The following GRIN2B variants were observed in gnomAD, a reference collection of about 807,000 sequenced individuals.
The protein encoded by GRIN2B is glutamate receptor ionotropic, NMDA 2B.
A neutral mutation model predicts 114.5 loss-of-function variants in GRIN2B; 5 were observed. The ratio of observed to expected loss-of-function variants is 0.04; its 90% CI spans 0.02 to 0.09. The LOEUF (loss-of-function observed/expected upper bound fraction) is 0.09, where lower values mean the gene tolerates loss of function less well. Ranked by LOEUF, GRIN2B falls within the 10% of genes least tolerant of loss-of-function variation. GRIN2B has a pLI of 1.00. For missense variants in GRIN2B, 1,108 were observed against 1,943.5 expected (o/e 0.57, Z 8.08); for synonymous variants, 787 against 745.1 (o/e 1.06, Z -0.92).
At chr12:13,697,777 A>G (rs1950274632) in intron 4 of GRIN2B, among the ~76,000 whole-genome samples, 1 of 152,198 alleles carries the variant, frequency 6.6e-6, no homozygotes, top group East Asian at 1.9e-4. Context: ...AGAATTTCAC[A>G]TTAAAAATGT....
chr12:13,936,758 AG>A (rs1867136272), intron 2 of GRIN2B, among the ~76,000 whole-genome samples: 1 of 152,208 alleles, frequency 6.6e-6, no homozygotes, highest in South Asian at 2.1e-4. Context: ...TGTCTTAAAA[AG>A]TACAGAAAAT....
chr12:13,656,520 G>A (rs1472132729), intron 5 of GRIN2B, among the ~76,000 whole-genome samples: 2 of 152,164 alleles, frequency 1.3e-5, no homozygotes, highest in African/African-American at 2.4e-5. Flanking sequence ...TTCTCTGATC[G>A]CTGGTCGCAA....
chr12:13,566,524 A>C (rs1236151036), intron 13 of GRIN2B, among the ~76,000 whole-genome samples: 1 of 152,260 alleles, frequency 6.6e-6, no homozygotes, highest in Admixed American at 6.5e-5. Context: ...CTTATGAGTC[A>C]GAGCTTATTT....
chr12:13,618,180 C>T (rs573844076), intron 5 of GRIN2B, among the ~76,000 whole-genome samples: 1 of 152,272 alleles, frequency 6.6e-6, no homozygotes, highest in African/African-American at 2.4e-5. Flanking sequence ...ACAGAAATTT[C>T]CAAATGGCTC....
At chr12:13,958,237 A>C (rs1200573074) in intron 2 of GRIN2B, among the ~76,000 whole-genome samples, 1 of 152,212 alleles carries the variant, frequency 6.6e-6, no homozygotes, top group Non-Finnish European at 1.5e-5. Context: ...CTGTAAAAAT[A>C]ATGGCACTGA....
At chr12:13,873,259 T>G (rs1865940940) in intron 2 of GRIN2B, among the ~76,000 whole-genome samples, 1 of 152,248 alleles carries the variant, frequency 6.6e-6, no homozygotes, top group African/African-American at 2.4e-5. Context: ...TGACTCAGAA[T>G]GCTTAGCTTA....
intron 2 of GRIN2B, among the ~76,000 whole-genome samples, chr12:13,869,719 C>T (rs1460619494): frequency 5.9e-5 from 9 of 152,130 alleles, no homozygotes; most frequent in Non-Finnish European, 2.9e-5. Flanking sequence ...CCTTCTGGGG[C>T]CTCTCAGTAT....
chr12:13,687,702 T>C (rs1950183802), intron 4 of GRIN2B, among the ~76,000 whole-genome samples: 1 of 152,224 alleles, frequency 6.6e-6, no homozygotes, highest in Non-Finnish European at 1.5e-5. Context: ...TCTCTTTCTG[T>C]TATAATTTCA....
chr12:13,614,477 T>C (rs1040670746), intron 8 of GRIN2B, among the ~76,000 whole-genome samples: 2 of 152,122 alleles, frequency 1.3e-5, no homozygotes, highest in African/African-American at 2.4e-5. Flanking sequence ...AGACCTCATC[T>C]AATTGAAATC....
At chr12:13,941,695 AC>A (rs1396083480) in intron 2 of GRIN2B, among the ~76,000 whole-genome samples, 29 of 152,276 alleles carry the variant, frequency 1.9e-4, no homozygotes, top group African/African-American at 7.0e-4. Flanking sequence ...ACAGCATCAA[AC>A]CCAGGGGACC....
chr12:13,567,805 A>C (rs1472558381), intron 12 of GRIN2B, among the ~76,000 whole-genome samples: 1 of 152,104 alleles, frequency 6.6e-6, no homozygotes, highest in Non-Finnish European at 1.5e-5. Flanking sequence ...TTCAAACAGA[A>C]AAAGGTATAG....
intron 10 of GRIN2B, among the ~76,000 whole-genome samples, chr12:13,577,468 C>G (rs1948791683): frequency 6.6e-6 from 1 of 152,144 alleles, no homozygotes; most frequent in African/African-American, 2.4e-5. Flanking sequence ...AGGCCCCCAC[C>G]CAGAGATGAG....
intron 2 of GRIN2B, among the ~76,000 whole-genome samples, chr12:13,880,115 G>C (rs918797065): frequency 2.0e-5 from 3 of 152,222 alleles, no homozygotes; most frequent in Non-Finnish European, 4.4e-5. Context: ...GCCGCAGAGA[G>C]GGCTAAGGCA....
chr12:13,828,038 T>C (rs1305637861), intron 3 of GRIN2B, among the ~76,000 whole-genome samples: 1 of 152,234 alleles, frequency 6.6e-6, no homozygotes, highest in Non-Finnish European at 1.5e-5. Flanking sequence ...TATTTCTCCG[T>C]CTGTTTCTAC....
chr12:13,714,495 T>C (rs1950439452), intron 4 of GRIN2B, among the ~76,000 whole-genome samples: 1 of 151,840 alleles, frequency 6.6e-6, no homozygotes. Context: ...GACTCCAAAC[T>C]TTTTAAAAAG....
At position 13,564,370 on chromosome 12, in the gene GRIN2B, C is replaced by A; in HGVS notation, c.2868G>T (p.Glu956Asp). Residue 956 changes from glutamate (E) to aspartate (D), a missense_variant, in exon 14 of 14, where the codon GAG (glutamate) becomes GAT (aspartate). Glu to Asp is a conservative substitution (Grantham distance 45). Coordinates refer to ENST00000609686, the MANE Select transcript of GRIN2B (RefSeq NM_000834.5). This position sits in a 1 kb window ranked among gnomAD's most constrained non-coding sequence, Gnocchi z 4.8. Reference protein sequence around the residue: ...CKSYNNPPCEENLFSDYISEV... With the variant: ...CKSYNNPPCEDNLFSDYISEV... Reference sequence around the variant, plus strand: ...CACTGATGTAGTCACTGAAGAGGTTCTCCTCACAGGGCGGGTTGTTGTAGG... The same window carrying A: ...CACTGATGTAGTCACTGAAGAGGTTATCCTCACAGGGCGGGTTGTTGTAGG... The A allele has an allele frequency of 6.2e-7, 1 of 1,614,228 alleles. No individual in the cohort carries two copies. Among genetic ancestry groups the A allele is most frequent in the Non-Finnish European group, 8.5e-7 (1 of 1,180,040 alleles).
intron 4 of GRIN2B, among the ~76,000 whole-genome samples, chr12:13,739,608 G>C (rs1413366925): frequency 2.6e-5 from 4 of 152,044 alleles, no homozygotes; most frequent in Non-Finnish European, 5.9e-5. Context: ...TGAGCACTCA[G>C]TAGGTACTCC....
At chr12:13,635,207 G>A (rs1424412656) in intron 5 of GRIN2B, among the ~76,000 whole-genome samples, 1 of 152,198 alleles carries the variant, frequency 6.6e-6, no homozygotes, top group East Asian at 1.9e-4. Flanking sequence ...AGGAGGCTGA[G>A]AAACGTAGAC....
At chr12:13,779,738 G>A (rs1204517685) in intron 3 of GRIN2B, among the ~76,000 whole-genome samples, 1 of 152,080 alleles carries the variant, frequency 6.6e-6, no homozygotes, top group African/African-American at 2.4e-5. Flanking sequence ...CTACCATACT[G>A]AACACTGCAG....
Sources: gnomAD v4.1 joint callset for allele counts (sites outside exome capture counted in the v4.1 genomes callset) on GRCh38, gnomAD v4.1.1 for gene constraint, Gnocchi (gnomAD v3.1) non-coding constraint, MANE v1.5 for transcripts, NCBI Gene and HGNC (gene_info 2026-07-23, HGNC 2026-07-21) for gene names.